Variants in RIMS2 observed in about 807,000 individuals in gnomAD.
The protein encoded by RIMS2 is regulating synaptic membrane exocytosis 2, also known as regulating synaptic membrane exocytosis protein 2.
A neutral mutation model predicts 174.4 loss-of-function variants in RIMS2; 59 were observed. The observed-to-expected ratio is 0.34, with a 90% CI of 0.27 to 0.42. The LOEUF is 0.42. Among genes scored for constraint, RIMS2 ranks in the 10% least tolerant of loss-of-function variants. RIMS2 has a pLI of 1.00. For missense variants in RIMS2, 1,620 were observed against 1,666.3 expected (o/e 0.97, Z 0.48); for synonymous variants, 606 against 572.5 (o/e 1.06, Z -0.84).
In RIMS2 at chr8:104,108,575, A is replaced by T. The variant is rs181581695; in HGVS notation, c.3334+93960A>T. Among the ~76,000 whole-genome samples the T allele has an allele frequency of 4.0e-3, 605 of 152,204 alleles. 5 individuals carry two copies. Among genetic ancestry groups the T allele is most frequent in the African/African-American group, 0.012 (517 of 41,540 alleles). ...TGGCCCCCCAGAGTGCTTGGATTAC[A>T]GGCATAAGCCACCATACCCAGCCTT... is the stretch of plus-strand genomic sequence containing the variant. On this transcript the variant is annotated intron_variant, in intron 19 of 23. Coordinates refer to ENST00000504942, the Ensembl canonical transcript of RIMS2.
chr8:103,817,331 TTG>T (rs149397577), intron 3 of RIMS2, among the ~76,000 whole-genome samples: 9 of 151,758 alleles, frequency 5.9e-5, no homozygotes, highest in Admixed American at 1.3e-4. Context: ...AGGTGTGCAT[TTG>T]TGTGTGTGTG....
chr8:104,179,327 T>C (rs2098926311), intron 19 of RIMS2, among the ~76,000 whole-genome samples: 1 of 152,058 alleles, frequency 6.6e-6, no homozygotes, highest in Non-Finnish European at 1.5e-5. Flanking sequence ...AATAATTAGA[T>C]TTCTATAACT....
intron 19 of RIMS2, among the ~76,000 whole-genome samples, chr8:104,168,486 AG>A (rs2135288378): frequency 6.6e-6 from 1 of 152,218 alleles, no homozygotes; most frequent in East Asian, 1.9e-4. Context: ...GGTGTGTAGC[AG>A]TGTTACTAAT....
At chr8:103,897,972 G>C (rs905759542) in intron 4 of RIMS2, among the ~76,000 whole-genome samples, 1 of 151,734 alleles carries the variant, frequency 6.6e-6, no homozygotes, top group South Asian at 2.1e-4. Flanking sequence ...TGCATAGTGT[G>C]GAATATGCTG....
At chr8:103,766,137 A>G in intron 2 of RIMS2, 90 bp from the exon 6 acceptor site, 1 of 810,140 alleles carries the variant, frequency 1.2e-6, no homozygotes, top group South Asian at 1.9e-5. Flanking sequence ...ATAACCACGT[A>G]ATTTTTTGTT....
chr8:103,939,114 G>A (rs1268690705), intron 13 of RIMS2, among the ~76,000 whole-genome samples: 1 of 152,150 alleles, frequency 6.6e-6, no homozygotes, highest in South Asian at 2.1e-4. Flanking sequence ...GCTCCACTAG[G>A]TGGTGCCCCA....
At chr8:103,835,194 C>A (rs536092885) in intron 3 of RIMS2, among the ~76,000 whole-genome samples, 24 of 151,360 alleles carry the variant, frequency 1.6e-4, no homozygotes, top group Admixed American at 2.0e-4. Flanking sequence ...CTCCACCTCC[C>A]GGGTTCAAGG....
At chr8:103,742,167 A>G (rs1268768630) in intron 2 of RIMS2, among the ~76,000 whole-genome samples, 2 of 152,006 alleles carry the variant, frequency 1.3e-5, no homozygotes, top group Admixed American at 6.6e-5. Context: ...CCATTAGTCT[A>G]TTTCTTATGA....
intron 2 of RIMS2, among the ~76,000 whole-genome samples, chr8:103,753,313 G>A (rs964077273): frequency 5.9e-5 from 9 of 152,302 alleles, no homozygotes; most frequent in African/African-American, 2.2e-4. Flanking sequence ...TAAGCTTTTT[G>A]ATGTGATGCT....
At chr8:104,168,205 A>G (rs1282664150) in intron 19 of RIMS2, among the ~76,000 whole-genome samples, 2 of 151,960 alleles carry the variant, frequency 1.3e-5, no homozygotes, top group African/African-American at 2.4e-5. Context: ...GTGAAGAATG[A>G]TGATGTTATT....
At chr8:104,245,167 T>G in intron 20 of RIMS2, 110 bp downstream of exon 26, 1 of 1,066,868 alleles carries the variant, frequency 9.4e-7, no homozygotes, top group Non-Finnish European at 1.4e-6. Context: ...CACTTTAATT[T>G]TCACTGGCTG....
intron 19 of RIMS2, among the ~76,000 whole-genome samples, chr8:104,043,935 A>G (rs1391966375): frequency 1.3e-5 from 2 of 151,674 alleles, no homozygotes; most frequent in Non-Finnish European, 3.0e-5. Flanking sequence ...TGCTATGAAC[A>G]TAAAAGGCAT....
intron 1 of RIMS2, among the ~76,000 whole-genome samples, chr8:103,506,209 AC>A (rs1268857928): frequency 6.6e-6 from 1 of 152,160 alleles, no homozygotes; most frequent in Admixed American, 6.5e-5. Flanking sequence ...AAACAAGCAA[AC>A]AAAAAATTGA....
intron 8 of RIMS2, 42 bp downstream of exon 11, chr8:103,916,579 A>C: frequency 6.7e-7 from 1 of 1,495,204 alleles, no homozygotes; most frequent in Non-Finnish European, 9.0e-7. Flanking sequence ...GAAGTTGAAT[A>C]GTGTTAAACA....
chr8:104,228,172 G>A (rs556801184), intron 19 of RIMS2, among the ~76,000 whole-genome samples: 6 of 152,034 alleles, frequency 3.9e-5, no homozygotes, highest in Non-Finnish European at 8.8e-5. Context: ...GGGACTACAG[G>A]CATGTGCCAC....
chr8:103,971,351 C>CA (rs1170809829), intron 15 of RIMS2, among the ~76,000 whole-genome samples: 1 of 152,076 alleles, frequency 6.6e-6, no homozygotes, highest in Non-Finnish European at 1.5e-5. Flanking sequence ...ACTCAATAAT[C>CA]AGACTTCTTT....
chr8:103,865,284 C>CTTTTTTTTTTTTTT (rs67300843), intron 3 of RIMS2, among the ~76,000 whole-genome samples: 2 of 119,730 alleles, frequency 1.7e-5, no homozygotes, highest in Non-Finnish European at 1.7e-5. Context: ...CAGTTTTTTT[C>CTTTTTTTTTTTTTT]TTTTTTTTTT....
chr8:104,071,620 T>C lies in RIMS2; in HGVS notation c.3334+57005T>C, dbSNP rs541919815. ...CAGCCAATTTTTTATATTATTTTAG[T>C]AGAGACGGGGTTTCACCGTGTTAGC... is the stretch of plus-strand genomic sequence containing the variant. On this transcript the variant is annotated intron_variant, in intron 19 of 23. Coordinates refer to ENST00000504942, the Ensembl canonical transcript of RIMS2. 4.6e-5 allele frequency among the ~76,000 whole-genome samples: 7 copies of C among 152,242 alleles called. No homozygotes were observed. In the East Asian group the frequency reaches 1.4e-3, roughly 30 times the overall value.
At chr8:103,797,043 A>G (rs2098554598) in intron 3 of RIMS2, among the ~76,000 whole-genome samples, 1 of 152,178 alleles carries the variant, frequency 6.6e-6, no homozygotes, top group South Asian at 2.1e-4. Flanking sequence ...ATTGCTTAAG[A>G]TTTAGTTAAG....
Sources: gnomAD v4.1 joint callset for allele counts (sites outside exome capture counted in the v4.1 genomes callset) on GRCh38, gnomAD v4.1.1 for gene constraint, MANE v1.5 for transcripts, NCBI Gene and HGNC (gene_info 2026-07-23, HGNC 2026-07-21) for gene names.